The following PLEKHA6 variants were observed in gnomAD, a reference collection of about 807,000 sequenced individuals.
PLEKHA6 encodes pleckstrin homology domain containing A6, also known as pleckstrin homology domain-containing family A member 6.
PLEKHA6 carries 60 observed loss-of-function variants against 116.7 expected under a neutral mutation model. The observed-to-expected ratio is 0.51, with a 90% CI of 0.42 to 0.64. The LOEUF is 0.64. PLEKHA6 is among the 30% of genes least tolerant of loss of function. PLEKHA6 has a pLI of 0.00. For missense variants in PLEKHA6, 1,338 were observed against 1,422.7 expected (o/e 0.94, Z 0.96); for synonymous variants, 489 against 556.1 (o/e 0.88, Z 1.70).
At chr1:204,297,779 C>T (rs1027013633) in intron 1 of PLEKHA6, 2 of 474,254 alleles carry the variant, frequency 4.2e-6, no homozygotes, top group African/African-American at 4.2e-5. Flanking sequence ...GAAATTCAGT[C>T]CCCTCTACAT....
rs4532911 is a variant in PLEKHA6, at chr1:204,277,042, C to T, written c.-94-2233G>A. On this transcript the variant is annotated intron_variant, in intron 1 of 22. Transcript: ENST00000272203. This position sits in a 1 kb window ranked among gnomAD's most constrained non-coding sequence, Gnocchi z 4.1. ...AACTTCAACATCTTTTTGGCAGCTC[C>T]GTCCCCAGTTTGGCAGCCTCAGAGG... is the stretch of plus-strand genomic sequence containing the variant. 0.22 allele frequency: 34,047 copies of T among 152,612 alleles called. 4,079 individuals carry two copies. The highest frequency in any genetic ancestry group is 0.3 in the African/African-American group (12,266 of 41,460). 9.5% of individuals were successfully genotyped at this position (152,612 alleles called of 1,614,324 possible).
intron 1 of PLEKHA6, among the ~76,000 whole-genome samples, chr1:204,351,187 G>T (rs1002583886): frequency 6.6e-6 from 1 of 152,198 alleles, no homozygotes; most frequent in Non-Finnish European, 1.5e-5. Context: ...GCCCAGGCAG[G>T]GGGAGTGGGG....
At chr1:204,361,654 A>G (rs1200064531), upstream of PLEKHA6, among the ~76,000 whole-genome samples, 1 of 152,178 alleles carries the variant, frequency 6.6e-6, no homozygotes, top group Non-Finnish European at 1.5e-5. Flanking sequence ...TGCTCTGCTG[A>G]AGGGGCAGAC....
At chr1:204,351,256 C>A (rs1323759862) in intron 1 of PLEKHA6, among the ~76,000 whole-genome samples, 1 of 152,146 alleles carries the variant, frequency 6.6e-6, no homozygotes, top group African/African-American at 2.4e-5. Context: ...CTGTCAGGGG[C>A]CACCTTTCCC....
At position 204,315,840 on chromosome 1, in the gene PLEKHA6, C is replaced by T. The variant is rs186048995; in HGVS notation, c.-94-41031G>A. 3.7e-4 allele frequency among the ~76,000 whole-genome samples: 57 copies of T among 152,250 alleles called. No homozygotes were observed. In the East Asian group the frequency reaches 4.8e-3, roughly 13 times the overall value. On this transcript the variant is annotated intron_variant, in intron 1 of 22. Coordinates refer to ENST00000272203, the MANE Select transcript of PLEKHA6 (RefSeq NM_014935.5). Reference sequence around the variant, plus strand: ...CCCAGGGGAGGCCACAGCATGGAGACGACAGCATGAGAGGAGGAGGCTGGG... The same window carrying T: ...CCCAGGGGAGGCCACAGCATGGAGATGACAGCATGAGAGGAGGAGGCTGGG...
At position 204,221,322 on chromosome 1, in the gene PLEKHA6, C is replaced by T. The variant is rs1020549957; in HGVS notation, c.*1466G>A. The T allele has an allele frequency of 1.3e-5, 2 of 152,784 alleles. No homozygotes were observed. The highest frequency in any genetic ancestry group is 4.1e-4 in the South Asian group (2 of 4,830). The allele number at this position is 152,784 out of a possible 1,614,324, so 9.5% of individuals were successfully genotyped here. On this transcript the variant is annotated 3_prime_UTR_variant, in exon 23 of 23. Transcript: ENST00000272203. The stretch of plus-strand genomic sequence containing the variant: ...AGGTGTTCTTGGGACCGCTGGAAGT[C>T]AGGCTGAAGCCTCTGAGCGGCAACT...
chr1:204,369,125 G>A (rs1264822665), intron 2 of PLEKHA6: 7 of 152,260 alleles, frequency 4.6e-5, no homozygotes, highest in African/African-American at 1.7e-4. Context: ...CTCCTGCCAG[G>A]ACTTGGCCCA....
chr1:204,328,791 CA>C (rs1672344404), intron 1 of PLEKHA6, among the ~76,000 whole-genome samples: 1 of 152,306 alleles, frequency 6.6e-6, no homozygotes, highest in Admixed American at 6.5e-5. Flanking sequence ...TTCAAAATAA[CA>C]ATAGCTGACA....
At chr1:204,262,977 G>A (rs961193505) in intron 6 of PLEKHA6, among the ~76,000 whole-genome samples, 3 of 152,178 alleles carry the variant, frequency 2.0e-5, no homozygotes, top group African/African-American at 7.2e-5. Flanking sequence ...GGTGTGTCCT[G>A]GGGTGGGTGG....
At chr1:204,373,531 T>G (rs566337101) in intron 1 of PLEKHA6, among the ~76,000 whole-genome samples, 6 of 152,332 alleles carry the variant, frequency 3.9e-5, no homozygotes, top group Non-Finnish European at 8.8e-5. Context: ...CTGACTTTCG[T>G]GCTTTTTTCC....
rs1320478632 is a variant in PLEKHA6, at chr1:204,277,964, G to A, written c.-94-3155C>T. On this transcript the variant is annotated intron_variant, in intron 1 of 22. Coordinates refer to ENST00000272203, the MANE Select transcript of PLEKHA6 (RefSeq NM_014935.5). This position sits in a 1 kb window ranked among gnomAD's most constrained non-coding sequence, Gnocchi z 4.1. Reference sequence around the variant, plus strand: ...TTCCTCTCAAGGCTTGCAAGGAAGAGGGCAGCAAATGGGGCTTGAGAGGGG... The same window carrying A: ...TTCCTCTCAAGGCTTGCAAGGAAGAAGGCAGCAAATGGGGCTTGAGAGGGG... 6.6e-6 allele frequency: 1 copy of A among 152,288 alleles called. No homozygotes were observed. The highest frequency in any genetic ancestry group is 2.4e-5 in the African/African-American group (1 of 41,466). The allele number at this position is 152,288 out of a possible 1,614,324, so 9.4% of individuals were successfully genotyped here.
At chr1:204,328,171 C>T (rs1009583831) in intron 1 of PLEKHA6, among the ~76,000 whole-genome samples, 1 of 151,856 alleles carries the variant, frequency 6.6e-6, no homozygotes, top group African/African-American at 2.4e-5. Context: ...CAACCTCTGC[C>T]TCCTGGGTTC....
upstream of PLEKHA6, among the ~76,000 whole-genome samples, chr1:204,364,015 TA>T (rs1673608559): frequency 6.6e-6 from 1 of 152,202 alleles, no homozygotes; most frequent in African/African-American, 2.4e-5. Context: ...AGTCACTTCC[TA>T]AATACCCTGA....
chr1:204,248,175 T>TTTTG (rs1664032095), intron 12 of PLEKHA6, among the ~76,000 whole-genome samples: 6 of 147,722 alleles, frequency 4.1e-5, no homozygotes, highest in Non-Finnish European at 5.9e-5. Context: ...TTTTTTTTTT[T>TTTTG]GAGATGGAGT....
intron 1 of PLEKHA6, among the ~76,000 whole-genome samples, chr1:204,315,219 G>A (rs1293714497): frequency 6.6e-6 from 1 of 152,070 alleles, no homozygotes; most frequent in Non-Finnish European, 1.5e-5. Flanking sequence ...ACTGGCTATG[G>A]CTCAATACCT....
chr1:204,279,229 C>T (rs1257434027), intron 1 of PLEKHA6, among the ~76,000 whole-genome samples: 1 of 152,174 alleles, frequency 6.6e-6, no homozygotes, highest in Non-Finnish European at 1.5e-5. Flanking sequence ...GCTTAAGCTG[C>T]AAGTTAAATT....
In PLEKHA6 at chr1:204,257,263, G is replaced by T; in HGVS notation, c.1524+90C>A. ...GGCCCAGTGGCCCCGTGGCACAGAT[G>T]CTCCCACATCTCTGCCTTTTCTCAG... On this transcript the variant is annotated intron_variant, in intron 9 of 22. Transcript: ENST00000272203. The surrounding 1 kb of genome is among the most constrained non-coding windows in gnomAD (Gnocchi z 6.5). The T allele has an allele frequency of 7.9e-7, 1 of 1,261,270 alleles. No individual in the cohort carries two copies. Among genetic ancestry groups the T allele is most frequent in the Non-Finnish European group, 1.1e-6 (1 of 894,246 alleles). 78.1% of individuals were successfully genotyped at this position (1,261,270 alleles called of 1,614,324 possible). A position where few individuals can be genotyped will look rare whatever the true frequency, so the allele number is the denominator to read the frequency against.
intron 1 of PLEKHA6, among the ~76,000 whole-genome samples, chr1:204,324,298 A>G (rs1672166962): frequency 6.6e-6 from 1 of 152,116 alleles, no homozygotes; most frequent in Non-Finnish European, 1.5e-5. Context: ...AATTTTTAGT[A>G]TCTCAAAGGC....
chr1:204,309,881 T>C (rs890889275), intron 1 of PLEKHA6: 4 of 162,454 alleles, frequency 2.5e-5, no homozygotes, highest in African/African-American at 9.6e-5. Flanking sequence ...AATGCTACCA[T>C]CATAGTGCAA....
Sources: allele counts gnomAD v4.1 joint callset (sites outside exome capture counted in the v4.1 genomes callset), GRCh38; gene constraint gnomAD v4.1.1; non-coding constraint Gnocchi (gnomAD v3.1); transcripts MANE v1.5; gene names NCBI Gene and HGNC (gene_info 2026-07-23, HGNC 2026-07-21).